Variants in MYO1D observed in about 807,000 individuals in gnomAD.
The protein encoded by MYO1D is myosin ID, also known as unconventional myosin-Id.
Under a neutral mutation model 122.0 loss-of-function variants are expected in MYO1D, and 83 were observed. That is an observed-to-expected ratio of 0.68 (90% CI 0.57 to 0.82). The LOEUF is 0.82. MYO1D is among the 40% of genes least tolerant of loss of function. The pLI, the probability that MYO1D is intolerant of heterozygous loss-of-function variation, is 0.00. For missense variants in MYO1D, 1,157 were observed against 1,269.5 expected, an observed-to-expected ratio of 0.91 and a Z score of 1.35; for synonymous variants, 464 against 446.9, an observed-to-expected ratio of 1.04 and a Z score of -0.48.
chr17:32,755,484 C>T lies in MYO1D; in HGVS notation c.1467+8G>A, dbSNP rs749389702. 3.7e-6 allele frequency: 6 copies of T among 1,612,256 alleles called. No homozygotes were observed. The highest frequency in any genetic ancestry group is 4.2e-6 in the Non-Finnish European group (5 of 1,178,996). On this transcript the variant is annotated splice_region_variant and intron_variant, in intron 11 of 21. Coordinates refer to ENST00000318217, the MANE Select transcript of MYO1D (RefSeq NM_015194.3). ...ATAAAAGGAAGAAGGTGTCATTAAA[C>T]ACATTACCTTTCGGCTGGAAAAATG... is the stretch of plus-strand genomic sequence containing the variant.
chr17:32,815,397 TAGA>T (rs1858855656), intron 1 of MYO1D, among the ~76,000 whole-genome samples: 2 of 152,234 alleles, frequency 1.3e-5, no homozygotes, highest in African/African-American at 4.8e-5. Context: ...AATATTGTGG[TAGA>T]AGAAATCATT....
At chr17:32,637,240 C>T (rs1042413399) in intron 20 of MYO1D, among the ~76,000 whole-genome samples, 10 of 152,206 alleles carry the variant, frequency 6.6e-5, no homozygotes, top group Non-Finnish European at 1.3e-4. Flanking sequence ...TTTCACACTT[C>T]TTTAGACTTG....
At chr17:32,584,809 G>A (rs1352737717) in intron 21 of MYO1D, among the ~76,000 whole-genome samples, 1 of 152,136 alleles carries the variant, frequency 6.6e-6, no homozygotes, top group Non-Finnish European at 1.5e-5. Flanking sequence ...CTTGCAAAAA[G>A]AAATACATAT....
Position 32,675,369 on chromosome 17 carries a change from A to G in MYO1D, c.2122-16031T>C, listed in dbSNP as rs543398572. Among the ~76,000 whole-genome samples, 75 of 152,338 alleles carry G rather than the reference A, an allele frequency of 4.9e-4. 1 individual carries two copies. Among genetic ancestry groups the G allele is most frequent in the African/African-American group, 1.6e-3 (65 of 41,594 alleles). ...ATCATGTTACATTCAACTTGTACATATAACTGTAACTATCTATCACTGATA... is the reference window on the plus strand; with the variant it reads ...ATCATGTTACATTCAACTTGTACATGTAACTGTAACTATCTATCACTGATA... On this transcript the variant is annotated intron_variant, in intron 16 of 21. Coordinates refer to ENST00000318217, the MANE Select transcript of MYO1D (RefSeq NM_015194.3).
At chr17:32,556,272 C>A (rs1567888832) in intron 21 of MYO1D, among the ~76,000 whole-genome samples, 1 of 152,178 alleles carries the variant, frequency 6.6e-6, no homozygotes, top group Non-Finnish European at 1.5e-5. Context: ...TAACTTAATG[C>A]AGTTCTTTCT....
chr17:32,602,840 T>A (rs2087578022), intron 21 of MYO1D: 1 of 152,232 alleles, frequency 6.6e-6, no homozygotes, highest in Non-Finnish European at 1.5e-5. Context: ...AACATCATGC[T>A]TATAAAATAC....
rs552474689 is a variant in MYO1D, at chr17:32,738,265, G to T, written c.1734C>A (p.Asn578Lys). Reference sequence around the variant, plus strand: ...AGAAAATAATTACCTTTGATGCAAGGTTGTCTACTAGAGCAATCATAGAAT... The same window carrying T: ...AGAAAATAATTACCTTTGATGCAAGTTTGTCTACTAGAGCAATCATAGAAT... ...FKNSMIALVD[N>K]LASKEPYYVR... The change falls in exon 14 of 22, where the codon AAC (asparagine) becomes AAA (lysine). Residue 578 changes from asparagine to lysine, a missense_variant. Coordinates refer to ENST00000318217, the MANE Select transcript of MYO1D (RefSeq NM_015194.3). 1.2e-6 allele frequency: 2 copies of T among 1,602,752 alleles called. No homozygotes were observed. Among genetic ancestry groups the T allele is most frequent in the East Asian group, 2.2e-5 (1 of 44,580 alleles).
chr17:32,754,342 G>A (rs1010387969), intron 11 of MYO1D, among the ~76,000 whole-genome samples: 1 of 152,188 alleles, frequency 6.6e-6, no homozygotes, highest in African/African-American at 2.4e-5. Flanking sequence ...GGTATTTGTG[G>A]TGTAAATAGG....
intron 8 of MYO1D, among the ~76,000 whole-genome samples, chr17:32,760,992 G>A (rs1228675467): frequency 6.6e-6 from 1 of 152,116 alleles, no homozygotes; most frequent in Non-Finnish European, 1.5e-5. Flanking sequence ...GAGAGCTAGT[G>A]AGTTAATATC....
Position 32,775,878 on chromosome 17 carries a change from A to G in MYO1D, c.550T>C (p.Tyr184His), listed in dbSNP as rs1365295850. 6.2e-7 allele frequency: 1 copy of G among 1,610,910 alleles called. No homozygotes were observed. The highest frequency in any genetic ancestry group is 8.5e-7 in the Non-Finnish European group (1 of 1,178,458). Residue 184 changes from tyrosine to histidine, a missense_variant, in exon 4 of 22, where the codon TAC (tyrosine) becomes CAC (histidine). Physicochemically the swap from Tyr to His is moderately conservative, Grantham distance 83. Coordinates refer to ENST00000318217, the MANE Select transcript of MYO1D (RefSeq NM_015194.3). ...GDPIGGHINN[Y>H]LLEKSRVIVQ... ...GCATATTTTACCTTTTCTAGTAAGT[A>G]GTTATTGATATGCCCACCAATAGGG...
In MYO1D at chr17:32,655,706, T is replaced by C. The variant is rs901330704; in HGVS notation, c.2346-1085A>G. On this transcript the variant is annotated intron_variant, in intron 17 of 21. Coordinates refer to ENST00000318217, the MANE Select transcript of MYO1D (RefSeq NM_015194.3). Reference sequence around the variant, plus strand: ...AAGCCATGAGACCATGATGAGGACTTTGGCCTTTCCTCTGAATGAGATGAG... The same window carrying C: ...AAGCCATGAGACCATGATGAGGACTCTGGCCTTTCCTCTGAATGAGATGAG... Among the ~76,000 whole-genome samples, 6 of 152,266 alleles carry C rather than the reference T, an allele frequency of 3.9e-5. No homozygotes were observed. In the East Asian group the frequency reaches 1.2e-3, roughly 29 times the overall value.
rs1300512607 is a variant in MYO1D at position 32,741,526 on chromosome 17, G to A, written c.1614-3141C>T. On this transcript the variant is annotated intron_variant, in intron 13 of 21. Transcript: ENST00000318217. ...CCTATTGTGAAATGGATTCATCTTAGCCTGATGCCTTTATTTGTTGGGTTT... is the reference window on the plus strand; with the variant it reads ...CCTATTGTGAAATGGATTCATCTTAACCTGATGCCTTTATTTGTTGGGTTT... Among the ~76,000 whole-genome samples the A allele has an allele frequency of 2.0e-5, 3 of 152,016 alleles. No individual in the cohort carries two copies. The East Asian group carries it at 5.8e-4, about 29-fold the overall frequency.
At chr17:32,738,493 G>T in intron 13 of MYO1D, 108 bp from the exon 14 acceptor site, 1 of 1,173,534 alleles carries the variant, frequency 8.5e-7, no homozygotes, top group Non-Finnish European at 1.1e-6. Flanking sequence ...TTGGACTACA[G>T]ATTCAACTCA....
At chr17:32,627,903 C>T in intron 20 of MYO1D, 1 of 152,240 alleles carries the variant, frequency 6.6e-6, no homozygotes, top group East Asian at 1.9e-4. Flanking sequence ...TCCATGGATG[C>T]TGGTTTGGGA....
chr17:32,803,579 C>T (rs1234045497), intron 1 of MYO1D, among the ~76,000 whole-genome samples: 4 of 152,198 alleles, frequency 2.6e-5, no homozygotes, highest in Non-Finnish European at 5.9e-5. Flanking sequence ...TTATATACAT[C>T]GCACTATCAG....
At chr17:32,844,085 C>G (rs2090910716) in intron 1 of MYO1D, among the ~76,000 whole-genome samples, 1 of 150,212 alleles carries the variant, frequency 6.7e-6, no homozygotes, top group Non-Finnish European at 1.5e-5. Flanking sequence ...TAACAAAAAA[C>G]TAGTATCAGC....
At chr17:32,767,317 A>C (rs538770793) in intron 7 of MYO1D, among the ~76,000 whole-genome samples, 3 of 152,344 alleles carry the variant, frequency 2.0e-5, no homozygotes, top group African/African-American at 7.2e-5. Flanking sequence ...TCTATGTTTC[A>C]AATGCCACTA....
chr17:32,598,274 T>C (rs1191685728), intron 21 of MYO1D, among the ~76,000 whole-genome samples: 1 of 151,936 alleles, frequency 6.6e-6, no homozygotes, highest in Non-Finnish European at 1.5e-5. Flanking sequence ...CTCAGGAGCC[T>C]GAGGCACGAG....
At chr17:32,556,809 C>T (rs1021213585) in intron 21 of MYO1D, among the ~76,000 whole-genome samples, 10 of 152,098 alleles carry the variant, frequency 6.6e-5, no homozygotes, top group African/African-American at 1.4e-4. Flanking sequence ...TAAATGAAGA[C>T]AAAATAGGAA....
Sources: gnomAD v4.1 joint callset for allele counts (sites outside exome capture counted in the v4.1 genomes callset) on GRCh38, gnomAD v4.1.1 for gene constraint, MANE v1.5 for transcripts, NCBI Gene and HGNC (gene_info 2026-07-23, HGNC 2026-07-21) for gene names.